The following ZIK1 variants were observed in gnomAD, a reference collection of about 807,000 sequenced individuals.
ZIK1 encodes the protein zinc finger protein interacting with K protein 1.
In ZIK1, 12 loss-of-function variants were observed where a neutral mutation model predicts 10.7. The observed-to-expected ratio is 1.12, with a 90% CI of 0.72 to 1.81. The LOEUF (loss-of-function observed/expected upper bound fraction) is 1.81. ZIK1 is among the 40% of genes most tolerant of loss of function. ZIK1 has a pLI of 0.00. For missense variants in ZIK1, 497 were observed against 585.7 expected (o/e 0.85, Z 1.56); for synonymous variants, 190 against 205.0 (o/e 0.93, Z 0.63).
Position 57,590,647 on chromosome 19 carries a change from C to T in ZIK1, c.836C>T (p.Thr279Ile). The change falls in exon 4 of 4, where the codon ACC becomes ATC. Residue 279 changes from threonine (T) to isoleucine (I), a missense_variant. Thr to Ile is a moderately conservative substitution (Grantham distance 89). Transcript: ENST00000597850. Reference protein sequence around the residue: ...CNECGKFFSQTSHLNDHRRIH... With the variant: ...CNECGKFFSQISHLNDHRRIH... Reference sequence around the variant, plus strand: ...GAATGTGGAAAATTCTTTAGCCAAACCTCCCACCTGAATGATCATCGGAGA... The same window carrying T: ...GAATGTGGAAAATTCTTTAGCCAAATCTCCCACCTGAATGATCATCGGAGA... 2.5e-6 allele frequency: 4 copies of T among 1,613,776 alleles called. No homozygotes were observed. The highest frequency in any genetic ancestry group is 3.4e-6 in the Non-Finnish European group (4 of 1,179,930).
In ZIK1 at chr19:57,584,229, C is replaced by T. The variant is rs2123408937; in HGVS notation, c.-128C>T. ...TTTGTTTGGCGACAGTCGGAAGGCG[C>T]GAGGGGAGGGGTCCTCCCGCTGAAC... On this transcript the variant is annotated 5_prime_UTR_variant, in exon 1 of 4. Coordinates refer to ENST00000597850, the MANE Select transcript of ZIK1 (RefSeq NM_001010879.4). 5 of 1,440,484 alleles carry T rather than the reference C, an allele frequency of 3.5e-6. No individual in the cohort carries two copies. Among genetic ancestry groups the T allele is most frequent in the Middle Eastern group, 5.0e-4 (2 of 3,984 alleles). 89.2% of individuals were successfully genotyped at this position (1,440,484 alleles called of 1,614,324 possible). A position where few individuals can be genotyped will look rare whatever the true frequency, so the allele number is the denominator to read the frequency against.
chr19:57,591,063 C>T lies in ZIK1; in HGVS notation c.1252C>T (p.Gln418Ter). ...KCGDCGKSFSQSSILIQHRRI... is the reference protein window; with the variant it reads ...KCGDCGKSFS Reference sequence around the variant, plus strand: ...TGGTGACTGTGGGAAATCCTTTAGTCAAAGCTCCATCCTTATTCAACACCG... The same window carrying T: ...TGGTGACTGTGGGAAATCCTTTAGTTAAAGCTCCATCCTTATTCAACACCG... The change falls in exon 4 of 4, where the codon CAA becomes TAA. Residue 418 changes from glutamine to a stop codon, truncating the protein, a stop_gained. Coordinates refer to ENST00000597850, the MANE Select transcript of ZIK1 (RefSeq NM_001010879.4). LOFTEE classifies it low-confidence loss of function (END_TRUNC). 2 of 1,614,058 alleles carry T rather than the reference C, an allele frequency of 1.2e-6. No individual in the cohort carries two copies.
rs374561658 is a variant in ZIK1, at chr19:57,584,414, C to T, written c.33+25C>T. On this transcript the variant is annotated intron_variant, in intron 1 of 3. Transcript: ENST00000597850. ...GGTGAGCGCTGCCTCTACTGGGCCT[C>T]ACCCTCCATCCCCAAATTAGTGCCT... 19 of 1,605,316 alleles carry T rather than the reference C, an allele frequency of 1.2e-5. No individual in the cohort carries two copies. In the African/African-American group the frequency reaches 2.4e-4, roughly 20 times the overall value.
At chr19:57,587,520 C>G (rs920818280) in intron 2 of ZIK1, among the ~76,000 whole-genome samples, 8 of 152,146 alleles carry the variant, frequency 5.3e-5, no homozygotes, top group Non-Finnish European at 1.2e-4. Flanking sequence ...ATCTAGTGCT[C>G]TTTCCAACAA....
Position 57,593,208 on chromosome 19 carries a change from A to ATTTTTTTTTTTTTTTT in ZIK1, c.*1938_*1939insTTTTTTTTTTTTTTTT, listed in dbSNP as rs1227700686. On this transcript the variant is annotated 3_prime_UTR_variant, in exon 4 of 4. Transcript: ENST00000597850. ...AGGCATGCACTACCACGCCCAACTA[A>ATTTTTTTTTTTTTTTT]TTTTTGTATTTTTAGTAGAGATGTG... 75 of 150,202 alleles carry ATTTTTTTTTTTTTTTT rather than the reference A, an allele frequency of 5.0e-4. No homozygotes were observed. The highest frequency in any genetic ancestry group is 1.4e-3 in the African/African-American group (58 of 40,682). 9.3% of individuals were successfully genotyped at this position (150,202 alleles called of 1,614,324 possible). A position where few individuals can be genotyped will look rare whatever the true frequency, so the allele number is the denominator to read the frequency against.
At chr19:57,587,920 G>A (rs1979309715) in intron 2 of ZIK1, among the ~76,000 whole-genome samples, 1 of 152,106 alleles carries the variant, frequency 6.6e-6, no homozygotes, top group Admixed American at 6.6e-5. Context: ...TGAGAAGAAG[G>A]TTGTTGATTG....
intron 3 of ZIK1, chr19:57,589,332 A>T (rs1454469690): frequency 9.1e-6 from 9 of 985,398 alleles, no homozygotes; most frequent in Non-Finnish European, 9.6e-6. Flanking sequence ...TTCCGATCAC[A>T]TAAGGAGCCT....
At position 57,591,766 on chromosome 19, in the gene ZIK1, G is replaced by T. The variant is rs757813689; in HGVS notation, c.*491G>T. 1 of 157,046 alleles carries T rather than the reference G, an allele frequency of 6.4e-6. No individual in the cohort carries two copies. The highest frequency in any genetic ancestry group is 1.4e-5 in the Non-Finnish European group (1 of 70,852). The allele number at this position is 157,046 out of a possible 1,614,324, so 9.7% of individuals were successfully genotyped here. Reference sequence around the variant, plus strand: ...ATTCTTCCAGCCTCCATGTCACCACGTGGTGAATGGCTGCCTCACATTGCT... The same window carrying T: ...ATTCTTCCAGCCTCCATGTCACCACTTGGTGAATGGCTGCCTCACATTGCT... On this transcript the variant is annotated 3_prime_UTR_variant, in exon 4 of 4. Coordinates refer to ENST00000597850, the MANE Select transcript of ZIK1 (RefSeq NM_001010879.4).
chr19:57,587,238 C>T (rs986167978), intron 2 of ZIK1, among the ~76,000 whole-genome samples: 4 of 152,102 alleles, frequency 2.6e-5, no homozygotes, highest in African/African-American at 7.2e-5. Context: ...TGGGTGGGGA[C>T]GCAGCCAAAT....
At chr19:57,584,553 G>C (rs979426751) in intron 1 of ZIK1, 164 bp downstream of exon 1, 1 of 1,415,298 alleles carries the variant, frequency 7.1e-7, no homozygotes, top group Non-Finnish European at 9.2e-7. Flanking sequence ...CAGGCAAAGG[G>C]ACCAGCGTTT....
Position 57,588,438 on chromosome 19 carries a change from G to C in ZIK1, c.73-101G>C. The C allele has an allele frequency of 3.9e-6, 5 of 1,277,792 alleles. No individual in the cohort carries two copies. In the South Asian group the frequency reaches 1.1e-4, roughly 27 times the overall value. 79.2% of individuals were successfully genotyped at this position (1,277,792 alleles called of 1,614,324 possible). On this transcript the variant is annotated intron_variant, in intron 2 of 3. Coordinates refer to ENST00000597850, the MANE Select transcript of ZIK1 (RefSeq NM_001010879.4). ...GACCATGAAAAGAGAGTGGGCATCT[G>C]TGTCACCAGGGCCTGTATTTCCTTA...
In ZIK1 at chr19:57,593,631, CCTT is replaced by C. The variant is rs1410155011; in HGVS notation, c.*2360_*2362del. On this transcript the variant is annotated 3_prime_UTR_variant, in exon 4 of 4. Coordinates refer to ENST00000597850, the MANE Select transcript of ZIK1 (RefSeq NM_001010879.4). ...TGCATTCTCATCAACAGTATGTGAACCTTCTTATTTCTCTACATTCTTGCCATA... is the reference window on the plus strand; with the variant it reads ...TGCATTCTCATCAACAGTATGTGAACCTTATTTCTCTACATTCTTGCCATA... 1.3e-5 allele frequency: 2 copies of C among 151,974 alleles called. No homozygotes were observed. Among genetic ancestry groups the C allele is most frequent in the African/African-American group, 4.8e-5 (2 of 41,334 alleles). 9.4% of individuals were successfully genotyped at this position (151,974 alleles called of 1,614,324 possible).
At chr19:57,586,664 A>G (rs1489828264) in intron 2 of ZIK1, among the ~76,000 whole-genome samples, 1 of 152,188 alleles carries the variant, frequency 6.6e-6, no homozygotes, top group African/African-American at 2.4e-5. Context: ...CAGTTGTGAG[A>G]GAAAAGTGGT....
intron 3 of ZIK1, among the ~76,000 whole-genome samples, 179 bp downstream of exon 3, chr19:57,588,844 C>T (rs953907410): frequency 1.3e-5 from 2 of 151,442 alleles, no homozygotes; most frequent in African/African-American, 4.8e-5. Context: ...ACACCTGCCA[C>T]TGGGCAGCAG....
chr19:57,584,192 C>A lies in ZIK1; in HGVS notation c.-165C>A. 1 of 1,342,870 alleles carries A rather than the reference C, an allele frequency of 7.4e-7. No individual in the cohort carries two copies. Among genetic ancestry groups the A allele is most frequent in the Non-Finnish European group, 9.9e-7 (1 of 1,013,294 alleles). The allele number at this position is 1,342,870 out of a possible 1,614,324, so 83.2% of individuals were successfully genotyped here. Reference sequence around the variant, plus strand: ...CTTGGGTGCATCCAGACCGTCAGAGCTTTGGGAGCGCTTTGTTTGGCGACA... The same window carrying A: ...CTTGGGTGCATCCAGACCGTCAGAGATTTGGGAGCGCTTTGTTTGGCGACA... On this transcript the variant is annotated 5_prime_UTR_variant, in exon 1 of 4. Coordinates refer to ENST00000597850, the MANE Select transcript of ZIK1 (RefSeq NM_001010879.4).
At position 57,590,727 on chromosome 19, in the gene ZIK1, CA is replaced by C. The variant is rs1568616074; in HGVS notation, c.920del (p.Asn307ThrfsTer204). On this transcript the variant is annotated frameshift_variant, in exon 4 of 4. Coordinates refer to ENST00000597850, the MANE Select transcript of ZIK1 (RefSeq NM_001010879.4). LOFTEE classifies it low-confidence loss of function (END_TRUNC). Reference protein sequence around the residue: ...ECSECGKLFRQNSSLVDHQKI... With the variant: ...ECSECGKLFRXNSSLVDHQKI... The stretch of plus-strand genomic sequence containing the variant: ...CAGCGAATGTGGAAAATTATTTAGA[CA>C]AAACTCCAGCCTTGTTGACCACCAG... 1 of 1,614,178 alleles carries C rather than the reference CA, an allele frequency of 6.2e-7. No homozygotes were observed. Among genetic ancestry groups the C allele is most frequent in the East Asian group, 2.2e-5 (1 of 44,876 alleles).
In ZIK1 at chr19:57,584,298, G is replaced by T; in HGVS notation, c.-59G>T. 6.5e-7 allele frequency: 1 copy of T among 1,547,758 alleles called. No individual in the cohort carries two copies. On this transcript the variant is annotated 5_prime_UTR_variant, in exon 1 of 4. Transcript: ENST00000597850. ...CGGCGGCGGCGGGGTTGACGGCTTT[G>T]CCTAGGTCCCTCCGCCCGTAGCTGT...
Position 57,590,412 on chromosome 19 carries a change from G to A in ZIK1, c.601G>A (p.Gly201Arg). The change falls in exon 4 of 4, where the codon GGG becomes AGG. Residue 201 changes from glycine to arginine, a missense_variant. By Grantham distance (125) the Gly-to-Arg change is moderately radical (BLOSUM62 -2). Coordinates refer to ENST00000597850, the MANE Select transcript of ZIK1 (RefSeq NM_001010879.4). ...GAAACCCGGCACAATTACTGAATGT[G>A]GGGAGGACATTCGCAGTCAAAAAAG... ...GKKPGTITEC[G>R]EDIRSQKSHY... The A allele has an allele frequency of 1.2e-6, 2 of 1,614,186 alleles. No individual in the cohort carries two copies. Among genetic ancestry groups the A allele is most frequent in the Non-Finnish European group, 1.7e-6 (2 of 1,180,008 alleles).
Position 57,590,570 on chromosome 19 carries a change from AC to A in ZIK1, c.760del (p.Val255PhefsTer28). The A allele has an allele frequency of 1.9e-6, 3 of 1,614,232 alleles. No individual in the cohort carries two copies. Reference sequence around the variant, plus strand: ...GGAAAGCCTTCCGTGGCAAGTACTCACTTGTTCAGCACCAGAGAGTCCATAC... The same window carrying A: ...GGAAAGCCTTCCGTGGCAAGTACTCATTGTTCAGCACCAGAGAGTCCATAC... Reference protein sequence around the residue: ...CGKAFRGKYSLVQHQRVHTGE... With the variant: ...CGKAFRGKYSXVQHQRVHTGE... On this transcript the variant is annotated frameshift_variant, in exon 4 of 4. Transcript: ENST00000597850. LOFTEE classifies it low-confidence loss of function (END_TRUNC).
Sources: gnomAD v4.1 joint callset for allele counts (sites outside exome capture counted in the v4.1 genomes callset) on GRCh38, gnomAD v4.1.1 for gene constraint, MANE v1.5 for transcripts, NCBI Gene and HGNC (gene_info 2026-07-23, HGNC 2026-07-21) for gene names.